Variants in SCEL observed in about 807,000 individuals in gnomAD.
The protein encoded by SCEL is sciellin.
SCEL carries 113 observed loss-of-function variants against 117.6 expected under a neutral mutation model. That is an observed-to-expected ratio of 0.96 (90% CI 0.83 to 1.12). The LOEUF (loss-of-function observed/expected upper bound fraction) is 1.12, where lower values mean the gene tolerates loss of function less well. SCEL is among the 50% of genes most tolerant of loss of function. The pLI, the probability that SCEL is intolerant of heterozygous loss-of-function variation, is 0.00. For synonymous variants in SCEL, 270 were observed against 256.2 expected (o/e 1.05, Z -0.51); for missense variants, 785 against 810.8 (o/e 0.97, Z 0.39).
chr13:77,616,660 G>A (rs2089068500), intron 24 of SCEL, among the ~76,000 whole-genome samples: 3 of 151,226 alleles, frequency 2.0e-5, no homozygotes. Flanking sequence ...GTTGAAGGCT[G>A]GGGAAGAAAA....
intron 24 of SCEL, among the ~76,000 whole-genome samples, chr13:77,615,261 CA>C (rs931718592): frequency 2.0e-5 from 3 of 152,016 alleles, no homozygotes; most frequent in African/African-American, 7.2e-5. Flanking sequence ...ATACTGAGAC[CA>C]GGGGCAAAAA....
intron 1 of SCEL, among the ~76,000 whole-genome samples, chr13:77,537,669 C>T (rs35410533): frequency 0.064 from 9,666 of 152,174 alleles, 398 homozygotes; most frequent in Non-Finnish European, 0.08. Flanking sequence ...ACCCTTGCCT[C>T]GAATGCCATT....
At chr13:77,593,300 G>GCGTC (rs374537294) in intron 11 of SCEL, among the ~76,000 whole-genome samples, 1 of 145,148 alleles carries the variant, frequency 6.9e-6, no homozygotes, top group African/African-American at 2.6e-5. Context: ...GTGTGTGTCT[G>GCGTC]TGTGTGTGTG....
At chr13:77,613,841 A>G (rs2088842632) in intron 23 of SCEL, 52 bp from the exon 24 acceptor site, 1 of 1,466,608 alleles carries the variant, frequency 6.8e-7, no homozygotes, top group Non-Finnish European at 9.6e-7. Flanking sequence ...CTGTCAAAAC[A>G]AAAAAGAAAT....
chr13:77,593,291 T>TGG (rs1267790552), intron 11 of SCEL, among the ~76,000 whole-genome samples: 1 of 91,856 alleles, frequency 1.1e-5, no homozygotes, highest in Admixed American at 1.1e-4. Flanking sequence ...TGTGTGTGTG[T>TGG]GTGTGTCTGT....
rs775658574 is a variant in SCEL at position 77,602,140 on chromosome 13, A to G, written c.977+16A>G. On this transcript the variant is annotated intron_variant, in intron 16 of 32. Coordinates refer to ENST00000349847, the MANE Select transcript of SCEL (RefSeq NM_144777.3). ...ATGAGAAAGGGTAAGTCAATCTCCT[A>G]CCTTGATGGAGCTCTTTTTATTCAG... The G allele has an allele frequency of 5.6e-6, 9 of 1,595,234 alleles. No individual in the cohort carries two copies. Among genetic ancestry groups the G allele is most frequent in the South Asian group, 1.1e-5 (1 of 88,504 alleles).
chr13:77,633,446 A>AAAAAAAAAAAAAAAAAAAAAAAAAC (rs2090126936), intron 28 of SCEL, among the ~76,000 whole-genome samples: 2 of 128,016 alleles, frequency 1.6e-5, no homozygotes, highest in African/African-American at 7.9e-5. Flanking sequence ...CCGCCTCAAA[A>AAAAAAAAAAAAAAAAAAAAAAAAAC]AAAAAAAAAA....
intron 27 of SCEL, among the ~76,000 whole-genome samples, chr13:77,623,867 C>T (rs910461049): frequency 3.3e-5 from 5 of 152,124 alleles, no homozygotes; most frequent in African/African-American, 9.7e-5. Context: ...TATGTAATCA[C>T]GTTGTGAGGG....
intron 27 of SCEL, among the ~76,000 whole-genome samples, chr13:77,622,710 A>T (rs2089489355): frequency 6.6e-6 from 1 of 152,074 alleles, no homozygotes; most frequent in African/African-American, 2.4e-5. Flanking sequence ...AAAATTAAAA[A>T]ATTTAGCTGG....
At chr13:77,573,020 T>A (rs918911329) in intron 9 of SCEL, among the ~76,000 whole-genome samples, 1 of 152,202 alleles carries the variant, frequency 6.6e-6, no homozygotes, top group Non-Finnish European at 1.5e-5. Context: ...TTCATAAACG[T>A]TAAGCGACAA....
At chr13:77,570,814 A>G (rs1283846267) in intron 8 of SCEL, among the ~76,000 whole-genome samples, 6 of 151,590 alleles carry the variant, frequency 4.0e-5, no homozygotes. Flanking sequence ...CGCTTTCAAT[A>G]TTTTTACTTG....
chr13:77,547,033 T>G lies in SCEL; in HGVS notation c.-19-8824T>G, dbSNP rs375257251. 3.9e-5 allele frequency among the ~76,000 whole-genome samples: 6 copies of G among 152,168 alleles called. No individual in the cohort carries two copies. In the East Asian group the frequency reaches 5.8e-4, roughly 15 times the overall value. On this transcript the variant is annotated intron_variant, in intron 1 of 32. Transcript: ENST00000349847. ...GTGTCACTGCTAGCTTCAGAGAGCC[T>G]GAGAAATGTGGCTTTAGATATCAGT...
intron 3 of SCEL, 77 bp downstream of exon 3, chr13:77,556,790 C>CTGAAAAG (rs1455651596): frequency 7.9e-6 from 8 of 1,014,424 alleles, no homozygotes; most frequent in Non-Finnish European, 1.2e-5. Flanking sequence ...TAATGCTCAT[C>CTGAAAAG]TGAAAAGTGA....
At chr13:77,590,527 G>A (rs1379894036) in intron 10 of SCEL, among the ~76,000 whole-genome samples, 2 of 151,768 alleles carry the variant, frequency 1.3e-5, no homozygotes, top group African/African-American at 2.4e-5. Context: ...AAATTAATTG[G>A]CCTTAGTACC....
At chr13:77,624,657 G>T (rs1322224106) in intron 27 of SCEL, among the ~76,000 whole-genome samples, 2 of 152,188 alleles carry the variant, frequency 1.3e-5, no homozygotes, top group Non-Finnish European at 2.9e-5. Flanking sequence ...AAAAAGGAAA[G>T]AAATATAATA....
chr13:77,559,273 G>T (rs2084838971), intron 3 of SCEL, among the ~76,000 whole-genome samples: 1 of 152,178 alleles, frequency 6.6e-6, no homozygotes, highest in African/African-American at 2.4e-5. Context: ...GTATTCTCAT[G>T]GTTCAAAAGT....
rs2090732763 is a variant in SCEL, at chr13:77,645,225, A to T, written c.*951A>T. On this transcript the variant is annotated 3_prime_UTR_variant, in exon 33 of 33. Transcript: ENST00000349847. The stretch of plus-strand genomic sequence containing the variant: ...TATTACATAGCAGTATGTTTACAAA[A>T]GGCTTATAAAAATAAAATGAACTAT... 1 of 152,120 alleles carries T rather than the reference A, an allele frequency of 6.6e-6. No homozygotes were observed. Among genetic ancestry groups the T allele is most frequent in the Non-Finnish European group, 1.5e-5 (1 of 67,970 alleles). The allele number at this position is 152,120 out of a possible 1,614,324, so 9.4% of individuals were successfully genotyped here.
chr13:77,546,683 C>CAA (rs555752724), intron 1 of SCEL, among the ~76,000 whole-genome samples: 1 of 125,002 alleles, frequency 8.0e-6, no homozygotes, highest in Admixed American at 8.0e-5. Context: ...ACAACAACAA[C>CAA]AAAAAAAAAA....
intron 15 of SCEL, among the ~76,000 whole-genome samples, chr13:77,600,421 G>A (rs1039305006): frequency 2.0e-5 from 3 of 151,978 alleles, no homozygotes; most frequent in African/African-American, 2.4e-5. Flanking sequence ...GAGCCACCAC[G>A]CCCGGCCACC....
Sources: gnomAD v4.1 joint callset for allele counts (sites outside exome capture counted in the v4.1 genomes callset) on GRCh38, gnomAD v4.1.1 for gene constraint, MANE v1.5 for transcripts, NCBI Gene and HGNC (gene_info 2026-07-23, HGNC 2026-07-21) for gene names.